The following ARHGEF3 variants were observed in gnomAD, a reference collection of about 807,000 sequenced individuals.
The protein encoded by ARHGEF3 is 59.8 kDA protein.
ARHGEF3 carries 28 observed loss-of-function variants against 63.2 expected under a neutral mutation model. That is an observed-to-expected ratio of 0.44 (90% CI 0.33 to 0.61). ARHGEF3 has a LOEUF of 0.61. Among genes scored for constraint, ARHGEF3 ranks in the 20% least tolerant of loss-of-function variants. The pLI is 0.03. For synonymous variants in ARHGEF3, 266 were observed against 254.2 expected (o/e 1.05, Z -0.44); for missense variants, 533 against 659.3 (o/e 0.81, Z 2.10).
chr3:56,958,296 C>T (rs1030797282), intron 3 of ARHGEF3, among the ~76,000 whole-genome samples: 28 of 151,444 alleles, frequency 1.8e-4, no homozygotes, highest in African/African-American at 6.8e-4. Context: ...TGAATGTCAG[C>T]AGAAGCTTAC....
chr3:57,004,105 T>C (rs1401045822), intron 2 of ARHGEF3, among the ~76,000 whole-genome samples: 1 of 152,140 alleles, frequency 6.6e-6, no homozygotes, highest in African/African-American at 2.4e-5. Context: ...TCCTAAAGAC[T>C]GGATGGAATA....
At chr3:56,805,500 G>A (rs775776263), upstream of ARHGEF3, among the ~76,000 whole-genome samples, 4 of 152,162 alleles carry the variant, frequency 2.6e-5, no homozygotes, top group African/African-American at 7.2e-5. Flanking sequence ...CTCCCAAAGC[G>A]CTAGGATTAC....
intron 3 of ARHGEF3, among the ~76,000 whole-genome samples, chr3:56,954,801 T>C (rs888659220): frequency 6.6e-6 from 1 of 152,192 alleles, no homozygotes; most frequent in Non-Finnish European, 1.5e-5. Context: ...TGAGTGTCAA[T>C]AGCCTTTTCT....
At chr3:56,832,587 T>C (rs1049420552) in intron 4 of ARHGEF3, among the ~76,000 whole-genome samples, 1 of 152,198 alleles carries the variant, frequency 6.6e-6, no homozygotes, top group African/African-American at 2.4e-5. Context: ...CAGAAAATTA[T>C]CATTAGAGAA....
intron 4 of ARHGEF3, among the ~76,000 whole-genome samples, chr3:56,848,263 G>A (rs2039554750): frequency 6.6e-6 from 1 of 152,066 alleles, no homozygotes; most frequent in African/African-American, 2.4e-5. Flanking sequence ...AGTGATAAAG[G>A]GACTTCACTA....
Position 56,970,507 on chromosome 3 carries a change from C to T in ARHGEF3, c.63-11618G>A, listed in dbSNP as rs140425055. 2.8e-3 allele frequency among the ~76,000 whole-genome samples: 424 copies of T among 152,280 alleles called. 3 individuals are homozygous for T. Among genetic ancestry groups the T allele is most frequent in the African/African-American group, 9.7e-3 (401 of 41,546 alleles). On this transcript the variant is annotated intron_variant, in intron 2 of 12. Transcript: ENST00000338458. The stretch of plus-strand genomic sequence containing the variant: ...AGTCCATTTCTGAGGCATATATTTA[C>T]TTGAGTCACTCAACGATGATAAGAA...
rs550530169 is a variant in ARHGEF3, at chr3:56,830,705, G to A, written c.192+51587C>T. Among the ~76,000 whole-genome samples, 20 of 152,058 alleles carry A rather than the reference G, an allele frequency of 1.3e-4. 1 individual carries two copies. The South Asian group carries it at 3.5e-3, about 27-fold the overall frequency. On this transcript the variant is annotated intron_variant, in intron 4 of 12. Coordinates refer to the ARHGEF3 transcript ENST00000338458. ...GCCCCCCTTTCCTGCTTCTCTCCTCGTCACCCATGATGCTCCAGCACAGTG... is the reference window on the plus strand; with the variant it reads ...GCCCCCCTTTCCTGCTTCTCTCCTCATCACCCATGATGCTCCAGCACAGTG...
At chr3:56,933,583 C>T (rs926094001) in intron 3 of ARHGEF3, among the ~76,000 whole-genome samples, 1 of 151,954 alleles carries the variant, frequency 6.6e-6, no homozygotes, top group African/African-American at 2.4e-5. Context: ...TCACACCTGC[C>T]TAATTTTTGT....
At chr3:56,858,190 G>C (rs2039951145) in intron 4 of ARHGEF3, among the ~76,000 whole-genome samples, 1 of 145,274 alleles carries the variant, frequency 6.9e-6, no homozygotes, top group Admixed American at 7.1e-5. Context: ...GCTGCAGTGA[G>C]CCATGTTTGC....
chr3:56,789,107 A>G (rs553206087), intron 1 of ARHGEF3, among the ~76,000 whole-genome samples: 21 of 151,972 alleles, frequency 1.4e-4, no homozygotes, highest in Admixed American at 3.3e-4. Flanking sequence ...GAAGCCCTTT[A>G]TATGCCTATT....
intron 3 of ARHGEF3, among the ~76,000 whole-genome samples, chr3:56,893,021 A>G (rs912177411): frequency 1.6e-4 from 24 of 152,228 alleles, no homozygotes; most frequent in African/African-American, 5.5e-4. Context: ...GCTGTCCTCT[A>G]AAGGACATTC....
At chr3:56,856,211 G>A (rs549220422) in intron 4 of ARHGEF3, among the ~76,000 whole-genome samples, 1 of 152,088 alleles carries the variant, frequency 6.6e-6, no homozygotes, top group African/African-American at 2.4e-5. Context: ...CACGTAACTC[G>A]GGGATAAAAA....
intron 2 of ARHGEF3, among the ~76,000 whole-genome samples, chr3:56,767,583 CAA>C (rs541314948): frequency 3.9e-3 from 303 of 77,394 alleles, no homozygotes; most frequent in African/African-American, 0.018. Context: ...GACTCCGTCT[CAA>C]AAAAAAAAAA....
intron 3 of ARHGEF3, among the ~76,000 whole-genome samples, chr3:56,944,791 T>A (rs1405529364): frequency 1.3e-5 from 2 of 151,734 alleles, no homozygotes; most frequent in Non-Finnish European, 2.9e-5. Context: ...GCTGGCCAGG[T>A]TGGCCTTGAA....
At chr3:57,077,192 C>T (rs1706258742) in intron 1 of ARHGEF3, among the ~76,000 whole-genome samples, 1 of 152,210 alleles carries the variant, frequency 6.6e-6, no homozygotes, top group Non-Finnish European at 1.5e-5. Flanking sequence ...CAGTCCCTAA[C>T]CTCACAGCCT....
At chr3:56,739,247 G>C (rs1022975065) in intron 7 of ARHGEF3, among the ~76,000 whole-genome samples, 1 of 152,022 alleles carries the variant, frequency 6.6e-6, no homozygotes, top group African/African-American at 2.4e-5. Context: ...TGTTGATAAG[G>C]CCTCTTCTTC....
intron 4 of ARHGEF3, among the ~76,000 whole-genome samples, chr3:56,867,310 A>G (rs1687732710): frequency 1.3e-5 from 2 of 152,246 alleles, no homozygotes; most frequent in African/African-American, 4.8e-5. Flanking sequence ...TAATATGGCA[A>G]AAACAACAAA....
intron 2 of ARHGEF3, among the ~76,000 whole-genome samples, chr3:57,015,300 A>G (rs1032295456): frequency 3.3e-5 from 5 of 151,994 alleles, no homozygotes; most frequent in African/African-American, 1.2e-4. Flanking sequence ...CCCTCACAAC[A>G]TGTCTCTACT....
At chr3:56,810,171 C>T (rs76088169) in intron 4 of ARHGEF3, among the ~76,000 whole-genome samples, 98 of 152,274 alleles carry the variant, frequency 6.4e-4, no homozygotes, top group African/African-American at 2.3e-3. Context: ...GTTTTCTCCT[C>T]CATCAACTAC....
Sources: allele counts gnomAD v4.1 joint callset (sites outside exome capture counted in the v4.1 genomes callset), GRCh38; gene constraint gnomAD v4.1.1; transcripts MANE v1.5; gene names NCBI Gene and HGNC (gene_info 2026-07-23, HGNC 2026-07-21).